ARRB1: variants seen among roughly 807,000 people sequenced by gnomAD.
ARRB1 encodes beta-arrestin-1.
Under a neutral mutation model 56.8 loss-of-function variants are expected in ARRB1, and 21 were observed. The ratio of observed to expected loss-of-function variants is 0.37; its 90% CI spans 0.26 to 0.53. ARRB1 has a LOEUF of 0.53. Among genes scored for constraint, ARRB1 ranks in the 20% least tolerant of loss-of-function variants. The pLI, the probability that ARRB1 is intolerant of heterozygous loss-of-function variation, is 0.88. For synonymous variants in ARRB1, 210 were observed against 218.6 expected (o/e 0.96, Z 0.35); for missense variants, 424 against 553.7 (o/e 0.77, Z 2.35).
chr11:75,326,929 A>C (rs1591978799), intron 1 of ARRB1, among the ~76,000 whole-genome samples: 1 of 151,924 alleles, frequency 6.6e-6, no homozygotes, highest in Non-Finnish European at 1.5e-5. Flanking sequence ...CTCATCTCAA[A>C]GGCCTGAGCT....
At chr11:75,282,683 T>C (rs1946376745) in intron 5 of ARRB1, among the ~76,000 whole-genome samples, 1 of 152,240 alleles carries the variant, frequency 6.6e-6, no homozygotes, top group Non-Finnish European at 1.5e-5. Flanking sequence ...TGTGTTGTTT[T>C]AATTGCTGCC....
At chr11:75,284,413 C>A in intron 3 of ARRB1, 134 bp from the exon 4 acceptor site, 6 of 890,618 alleles carry the variant, frequency 6.7e-6, no homozygotes, top group Non-Finnish European at 8.2e-6. Flanking sequence ...GAAAGGCGGG[C>A]ACCTAGAGGG....
At chr11:75,312,055 T>C in intron 1 of ARRB1, 1 of 1,289,476 alleles carries the variant, frequency 7.8e-7, no homozygotes, top group Non-Finnish European at 1.0e-6. Context: ...CTCTAAGTGC[T>C]GATCACCTCA....
intron 1 of ARRB1, among the ~76,000 whole-genome samples, chr11:75,300,893 G>A (rs1207524903): frequency 6.8e-6 from 1 of 147,070 alleles, no homozygotes; most frequent in Non-Finnish European, 1.5e-5. Flanking sequence ...GCGTGAACCC[G>A]GGAGGCGGAG....
At position 75,290,059 on chromosome 11, in the gene ARRB1, T is replaced by A. The variant is rs1715266861; in HGVS notation, c.21-20A>T. On this transcript the variant is annotated intron_variant, in intron 1 of 15. Coordinates refer to ENST00000420843, the MANE Select transcript of ARRB1 (RefSeq NM_004041.5). The stretch of plus-strand genomic sequence containing the variant: ...AACACTCTGTGGAGAGAAAGAGAGG[T>A]CAGGCCAGGGTTCGCGTATCCTGCC... 1.2e-6 allele frequency: 2 copies of A among 1,613,964 alleles called. No homozygotes were observed. The highest frequency in any genetic ancestry group is 1.1e-5 in the South Asian group (1 of 91,092).
intron 1 of ARRB1, among the ~76,000 whole-genome samples, chr11:75,308,846 CA>C (rs1332387986): frequency 6.6e-6 from 1 of 152,154 alleles, no homozygotes; most frequent in East Asian, 1.9e-4. Flanking sequence ...GTGAGCCTCC[CA>C]CCTCGGCGTC....
chr11:75,310,458 G>A (rs1296993346), intron 1 of ARRB1, among the ~76,000 whole-genome samples: 1 of 152,182 alleles, frequency 6.6e-6, no homozygotes, highest in Admixed American at 6.5e-5. Context: ...TGCAGGAAGC[G>A]GAGGAGCCTT....
chr11:75,289,849 C>A (rs1946563564), intron 2 of ARRB1, among the ~76,000 whole-genome samples, 160 bp downstream of exon 2: 1 of 152,218 alleles, frequency 6.6e-6, no homozygotes, highest in Non-Finnish European at 1.5e-5. Context: ...CTGACAGCTC[C>A]AAGAGAGAGA....
chr11:75,295,955 C>T lies in ARRB1; in HGVS notation c.21-5916G>A, dbSNP rs370693760. On this transcript the variant is annotated intron_variant, in intron 1 of 15. Transcript: ENST00000420843. ...ATCCCAACACTTTGGGAGGCTGAGG[C>T]GGGCGGATCACTTGAGGCCAGGAGT... Among the ~76,000 whole-genome samples the T allele has an allele frequency of 6.1e-4, 93 of 152,136 alleles. 1 individual carries two copies. The East Asian group carries it at 0.012, about 20-fold the overall frequency.
At chr11:75,351,377 C>A (rs1234437202) in intron 1 of ARRB1, among the ~76,000 whole-genome samples, 3 of 152,204 alleles carry the variant, frequency 2.0e-5, no homozygotes, top group African/African-American at 7.2e-5. Context: ...GAGCTGCGGC[C>A]CACATGGGGC....
chr11:75,283,414 C>T lies in ARRB1; in HGVS notation c.227G>A (p.Arg76His), dbSNP rs148019407. The T allele has an allele frequency of 6.9e-5, 111 of 1,613,994 alleles. No individual in the cohort carries two copies. The highest frequency in any genetic ancestry group is 2.1e-5 in the Non-Finnish European group (25 of 1,179,986). ...EDLDVLGLTF[R>H]KDLFVANVQS... Reference sequence around the variant, plus strand: ...TACGTTGGCCACAAACAGGTCCTTGCGAAAGGTCAGGCCCAGGACATCCAG... The same window carrying T: ...TACGTTGGCCACAAACAGGTCCTTGTGAAAGGTCAGGCCCAGGACATCCAG... Residue 76 changes from arginine (R) to histidine (H), a missense_variant, in exon 5 of 16, where the codon CGC (arginine) becomes CAC (histidine). By Grantham distance (29) the Arg-to-His change is conservative. Transcript: ENST00000420843.
chr11:75,305,036 T>TC (rs1946996072), intron 1 of ARRB1, among the ~76,000 whole-genome samples: 1 of 140,416 alleles, frequency 7.1e-6, no homozygotes, highest in Non-Finnish European at 1.5e-5. Flanking sequence ...TTTTTTTTTT[T>TC]TTTTGAGACA....
At chr11:75,335,840 T>C (rs1402312508) in intron 1 of ARRB1, among the ~76,000 whole-genome samples, 1 of 152,022 alleles carries the variant, frequency 6.6e-6, no homozygotes, top group Non-Finnish European at 1.5e-5. Flanking sequence ...CACATCCACA[T>C]CCCGTTTGGC....
intron 1 of ARRB1, among the ~76,000 whole-genome samples, chr11:75,319,263 G>A (rs573039801): frequency 6.6e-6 from 1 of 152,196 alleles, no homozygotes; most frequent in African/African-American, 2.4e-5. Context: ...GCCCTGGCAA[G>A]CCCCCAGGAT....
chr11:75,334,135 G>A (rs1200769098), intron 1 of ARRB1, among the ~76,000 whole-genome samples: 2 of 152,126 alleles, frequency 1.3e-5, no homozygotes, highest in East Asian at 3.9e-4. Flanking sequence ...TTCAAGACCA[G>A]CCTGACCAAC....
chr11:75,305,531 G>T (rs1444568926), intron 1 of ARRB1, among the ~76,000 whole-genome samples: 1 of 152,180 alleles, frequency 6.6e-6, no homozygotes, highest in East Asian at 1.9e-4. Flanking sequence ...TGAAGTCAGA[G>T]TATTTACATC....
chr11:75,300,491 A>C (rs1284132096), intron 1 of ARRB1, among the ~76,000 whole-genome samples: 1 of 152,148 alleles, frequency 6.6e-6, no homozygotes, highest in African/African-American at 2.4e-5. Flanking sequence ...AATCACTCAC[A>C]ATACTGCCTG....
chr11:75,268,884 C>T lies in ARRB1; in HGVS notation c.1093+5G>A, dbSNP rs768243300. On this transcript the variant is annotated splice_donor_5th_base_variant and intron_variant, in intron 14 of 15. Transcript: ENST00000420843. ...CTACCCCAGAGACCTACAGATTCTG[C>T]TCACCTTCCCGATGCGGGGGTTCCT... The T allele has an allele frequency of 4.0e-5, 65 of 1,609,088 alleles. No individual in the cohort carries two copies. The highest frequency in any genetic ancestry group is 5.5e-5 in the Non-Finnish European group (65 of 1,178,740).
Position 75,326,876 on chromosome 11 carries a change from T to G in ARRB1, c.20+24712A>C, listed in dbSNP as rs530967294. 1.8e-4 allele frequency among the ~76,000 whole-genome samples: 28 copies of G among 151,992 alleles called. No homozygotes were observed. The South Asian group carries it at 4.8e-3, about 26-fold the overall frequency. On this transcript the variant is annotated intron_variant, in intron 1 of 15. Transcript: ENST00000420843. The stretch of plus-strand genomic sequence containing the variant: ...TGCCCCACCACACCCATGCCTAATT[T>G]TTGTATTTTTAGTAGAGATAGAGTT...
Sources: allele counts gnomAD v4.1 joint callset (sites outside exome capture counted in the v4.1 genomes callset), GRCh38; gene constraint gnomAD v4.1.1; transcripts MANE v1.5; gene names NCBI Gene and HGNC (gene_info 2026-07-23, HGNC 2026-07-21).